The following PSD2 variants were observed in gnomAD, a reference collection of about 807,000 sequenced individuals.
PSD2 encodes pleckstrin and Sec7 domain containing 2.
PSD2 carries 38 observed loss-of-function variants against 69.8 expected under a neutral mutation model. The observed-to-expected ratio is 0.54, with a 90% CI of 0.42 to 0.71. The LOEUF (loss-of-function observed/expected upper bound fraction) is 0.71, where lower values mean the gene tolerates loss of function less well. Among genes scored for constraint, PSD2 ranks in the 30% least tolerant of loss-of-function variants. The pLI, the probability that PSD2 is intolerant of heterozygous loss-of-function variation, is 0.00. For synonymous variants in PSD2, 412 were observed against 423.0 expected (o/e 0.97, Z 0.32); for missense variants, 943 against 1,014.5 (o/e 0.93, Z 0.96).
At chr5:139,812,198 T>A (rs1759985439) in intron 2 of PSD2, among the ~76,000 whole-genome samples, 1 of 151,922 alleles carries the variant, frequency 6.6e-6, no homozygotes, top group African/African-American at 2.4e-5. Flanking sequence ...ACTTATATAG[T>A]GTGTTGGAAG....
the PSD2 span, among the ~76,000 whole-genome samples, chr5:139,759,103 C>T: frequency 3.3e-5 from 5 of 152,102 alleles, no homozygotes; most frequent in Non-Finnish European, 7.4e-5. Context: ...AATCTCTGCC[C>T]TGGTCTGGTT....
intron 7 of PSD2, among the ~76,000 whole-genome samples, chr5:139,830,598 TTCTTTCTTTCTC>T (rs1760562601): frequency 7.7e-6 from 1 of 130,624 alleles, no homozygotes; most frequent in Non-Finnish European, 1.6e-5. Flanking sequence ...TTCTTTTTCT[TTCTTTCTTTCTC>T]TTTCTTTCTT....
At chr5:139,766,930 C>CCTTCCTTCCTTTCT in the PSD2 span, among the ~76,000 whole-genome samples, 3 of 44,046 alleles carry the variant, frequency 6.8e-5, no homozygotes, top group African/African-American at 2.4e-4. Flanking sequence ...CCTTCCTTCC[C>CCTTCCTTCCTTTCT]TTCTTTCTTT....
the PSD2 span, among the ~76,000 whole-genome samples, chr5:139,750,041 C>A: frequency 6.9e-5 from 10 of 143,974 alleles, no homozygotes; most frequent in South Asian, 2.3e-4. Flanking sequence ...AAAAAAAAAA[C>A]CAGGCTGGGT....
intron 8 of PSD2, among the ~76,000 whole-genome samples, chr5:139,834,326 C>G (rs1470738956): frequency 6.6e-6 from 1 of 152,138 alleles, no homozygotes; most frequent in Non-Finnish European, 1.5e-5. Context: ...CATTCTGTCA[C>G]CCACCCTGGA....
intron 1 of PSD2, among the ~76,000 whole-genome samples, chr5:139,796,214 G>C (rs1759521536): frequency 6.6e-6 from 1 of 152,296 alleles, no homozygotes; most frequent in Middle Eastern, 3.4e-3. Flanking sequence ...GGCCGGGTCT[G>C]GGCCGGGGAG....
At chr5:139,786,278 A>G in the PSD2 span, among the ~76,000 whole-genome samples, 45,310 of 151,926 alleles carry the variant, frequency 0.3, 7,255 homozygotes, top group African/African-American at 0.42. Context: ...CCAGCTACAC[A>G]GGAGGCAGAG....
rs565993684 is a variant in PSD2, at chr5:139,796,899, G to A, written c.-51+924G>A. Reference sequence around the variant, plus strand: ...CCTGGGGATAAGCCAGGCTGAATTTGATGGGGATCAGCGAGAGGGCTCAGG... The same window carrying A: ...CCTGGGGATAAGCCAGGCTGAATTTAATGGGGATCAGCGAGAGGGCTCAGG... On this transcript the variant is annotated intron_variant, in intron 1 of 14. Transcript: ENST00000274710. Among the ~76,000 whole-genome samples, 28 of 152,326 alleles carry A rather than the reference G, an allele frequency of 1.8e-4. No individual in the cohort carries two copies. The South Asian group carries it at 5.8e-3, about 32-fold the overall frequency.
chr5:139,824,546 G>T (rs1299062106), intron 7 of PSD2, among the ~76,000 whole-genome samples: 1 of 151,932 alleles, frequency 6.6e-6, no homozygotes, highest in South Asian at 2.1e-4. Context: ...ACAGGCACCT[G>T]CCACCACGCC....
chr5:139,751,725 T>C, the PSD2 span, among the ~76,000 whole-genome samples: 2 of 151,834 alleles, frequency 1.3e-5, no homozygotes, highest in African/African-American at 2.4e-5. Flanking sequence ...GAAGGAGAGA[T>C]GACCTCCAAG....
At chr5:139,822,580 G>A (rs940957150) in intron 6 of PSD2, 146 bp from the exon 7 acceptor site, 12 of 598,244 alleles carry the variant, frequency 2.0e-5, no homozygotes, top group South Asian at 1.6e-4. Flanking sequence ...GACCTGGAGC[G>A]TCACACAGGC....
chr5:139,787,715 G>C, the PSD2 span, among the ~76,000 whole-genome samples: 1 of 152,218 alleles, frequency 6.6e-6, no homozygotes, highest in Non-Finnish European at 1.5e-5. Context: ...GTTGAATCTC[G>C]GCCAGTTAGA....
the PSD2 span, among the ~76,000 whole-genome samples, chr5:139,751,278 G>C: frequency 6.6e-6 from 1 of 152,110 alleles, no homozygotes; most frequent in East Asian, 1.9e-4. Context: ...CAGTATCCTT[G>C]GGATGGTTCA....
the PSD2 span, among the ~76,000 whole-genome samples, chr5:139,782,158 G>T: frequency 6.6e-6 from 1 of 152,138 alleles, no homozygotes; most frequent in Admixed American, 6.5e-5. Context: ...CTCAATAAAT[G>T]CTTGTTATCT....
At chr5:139,800,834 C>T (rs897776140) in intron 1 of PSD2, among the ~76,000 whole-genome samples, 7 of 152,278 alleles carry the variant, frequency 4.6e-5, no homozygotes, top group East Asian at 1.9e-4. Context: ...CAGCAGGGCC[C>T]CCGCCTGCAT....
chr5:139,778,896 T>A, the PSD2 span, among the ~76,000 whole-genome samples: 1 of 135,802 alleles, frequency 7.4e-6, no homozygotes, highest in African/African-American at 2.8e-5. Context: ...GCCCTTGCAC[T>A]CCAGCCTGGG....
At chr5:139,747,702 A>T in the PSD2 span, among the ~76,000 whole-genome samples, 1 of 152,224 alleles carries the variant, frequency 6.6e-6, no homozygotes, top group Non-Finnish European at 1.5e-5. This position sits in a 1 kb window ranked among gnomAD's most constrained non-coding sequence, Gnocchi z 6.7. Flanking sequence ...TCACGCCGTC[A>T]GACCCAATTT....
At chr5:139,797,861 C>T (rs1271652496) in intron 1 of PSD2, among the ~76,000 whole-genome samples, 2 of 152,182 alleles carry the variant, frequency 1.3e-5, no homozygotes, top group African/African-American at 4.8e-5. Context: ...TCCTCTTCTT[C>T]CCTGGAGACA....
chr5:139,798,095 C>T (rs1448004854), intron 1 of PSD2, among the ~76,000 whole-genome samples: 3 of 152,172 alleles, frequency 2.0e-5, no homozygotes, highest in Middle Eastern at 3.2e-3. Context: ...CTGTTTTGAG[C>T]GGCATCTTAT....
Sources: allele counts gnomAD v4.1 joint callset (sites outside exome capture counted in the v4.1 genomes callset), GRCh38; gene constraint gnomAD v4.1.1; non-coding constraint Gnocchi (gnomAD v3.1); transcripts MANE v1.5; gene names NCBI Gene and HGNC (gene_info 2026-07-23, HGNC 2026-07-21).